Variants in AGBL4 observed in about 807,000 individuals in gnomAD.
The protein encoded by AGBL4 is cytosolic carboxypeptidase 6.
Under a neutral mutation model 66.4 loss-of-function variants are expected in AGBL4, and 58 were observed. That is an observed-to-expected ratio of 0.87 (90% confidence interval 0.71 to 1.09). The LOEUF is 1.09. AGBL4 is among the 50% of genes least tolerant of loss of function. The pLI is 0.00. For synonymous variants in AGBL4, 234 were observed against 222.9 expected (o/e 1.05, Z -0.44); for missense variants, 579 against 631.0 (o/e 0.92, Z 0.88).
chr1:49,450,209 A>T (rs1398165178), intron 3 of AGBL4, among the ~76,000 whole-genome samples: 1 of 152,124 alleles, frequency 6.6e-6, no homozygotes, highest in Non-Finnish European at 1.5e-5. Flanking sequence ...AAAATCTAAG[A>T]TCTCTATTTA....
At chr1:49,475,188 A>G (rs1361826199) in intron 3 of AGBL4, among the ~76,000 whole-genome samples, 3 of 151,974 alleles carry the variant, frequency 2.0e-5, no homozygotes, top group African/African-American at 7.2e-5. Context: ...GCATCTATTG[A>G]GATAATCTTA....
intron 1 of AGBL4, among the ~76,000 whole-genome samples, chr1:49,935,280 G>A (rs934183936): frequency 5.9e-5 from 9 of 152,270 alleles, no homozygotes; most frequent in African/African-American, 2.2e-4. Context: ...AAGGCTGGGG[G>A]AGGGGCGCCC....
rs372251929 is a variant in AGBL4 at position 49,552,797 on chromosome 1, A to G, written c.282+144516T>C. Among the ~76,000 whole-genome samples the G allele has an allele frequency of 9.3e-4, 141 of 152,338 alleles. 1 individual carries two copies. In the South Asian group the frequency reaches 0.027, roughly 29 times the overall value. On this transcript the variant is annotated intron_variant, in intron 3 of 13. Transcript: ENST00000371839. ...GCATACTGCTCTGTCTGTCCGAGTC[A>G]GAGCTGCAATTTAGTCCTGCCTCCT...
intron 2 of AGBL4, among the ~76,000 whole-genome samples, chr1:49,805,532 T>A (rs1032868969): frequency 9.9e-5 from 15 of 152,106 alleles, no homozygotes; most frequent in Admixed American, 9.8e-4. Context: ...GGAAATAACA[T>A]AGAGATAAAA....
chr1:49,628,535 G>A (rs1035862795), intron 3 of AGBL4, among the ~76,000 whole-genome samples: 1 of 152,138 alleles, frequency 6.6e-6, no homozygotes, highest in African/African-American at 2.4e-5. Context: ...AAGTCTACAT[G>A]AAGAGGATGG....
At chr1:49,298,250 A>G (rs1025987867) in intron 3 of AGBL4, among the ~76,000 whole-genome samples, 1 of 152,162 alleles carries the variant, frequency 6.6e-6, no homozygotes, top group Non-Finnish European at 1.5e-5. Context: ...CAAGGAACAG[A>G]TGCTGGCCCA....
intron 4 of AGBL4, among the ~76,000 whole-genome samples, chr1:49,067,930 C>T (rs1448580285): frequency 1.3e-5 from 2 of 151,302 alleles, no homozygotes. Context: ...CGACAGGCCC[C>T]AGTGTGTGAT....
intron 3 of AGBL4, among the ~76,000 whole-genome samples, chr1:49,262,776 A>G (rs948989041): frequency 6.6e-5 from 10 of 152,166 alleles, no homozygotes; most frequent in African/African-American, 2.4e-4. Context: ...AACTAGAAAT[A>G]CCATTTAACC....
intron 3 of AGBL4, among the ~76,000 whole-genome samples, chr1:49,572,990 C>G (rs1460950554): frequency 6.6e-6 from 1 of 152,164 alleles, no homozygotes; most frequent in African/African-American, 2.4e-5. Context: ...GCTTCTTGCC[C>G]TTGAACATCA....
At chr1:49,301,991 A>C (rs1644753826) in intron 3 of AGBL4, among the ~76,000 whole-genome samples, 1 of 151,988 alleles carries the variant, frequency 6.6e-6, no homozygotes, top group Non-Finnish European at 1.5e-5. Flanking sequence ...GCCTTGTTAA[A>C]CTTTCTTGGA....
chr1:48,965,575 C>T (rs538785201), intron 5 of AGBL4, among the ~76,000 whole-genome samples: 255 of 152,148 alleles, frequency 1.7e-3, no homozygotes, highest in African/African-American at 5.6e-3. Flanking sequence ...TTTGGGCCAC[C>T]CATAGGTAGC....
intron 9 of AGBL4, among the ~76,000 whole-genome samples, chr1:48,612,122 A>C (rs1307638340): frequency 6.6e-6 from 1 of 152,238 alleles, no homozygotes; most frequent in Admixed American, 6.5e-5. Flanking sequence ...CTGCTGCCAG[A>C]GTGTGCTCAA....
At chr1:48,815,703 A>C (rs1238144432) in intron 6 of AGBL4, among the ~76,000 whole-genome samples, 1 of 152,208 alleles carries the variant, frequency 6.6e-6, no homozygotes, top group African/African-American at 2.4e-5. Context: ...GATAGCAGTT[A>C]GTAATATTTA....
intron 4 of AGBL4, among the ~76,000 whole-genome samples, chr1:49,059,571 A>G (rs1201750637): frequency 6.6e-6 from 1 of 152,214 alleles, no homozygotes; most frequent in Non-Finnish European, 1.5e-5. Flanking sequence ...GAAGAGGGCC[A>G]CCATCCTCCA....
chr1:49,697,466 T>A, intron 2 of AGBL4, 29 bp from the exon 3 acceptor site: 2 of 1,478,348 alleles, frequency 1.4e-6, no homozygotes, highest in Non-Finnish European at 9.2e-7. Flanking sequence ...AGAATTGGAT[T>A]TTAATAGAAG....
At chr1:49,253,346 A>C (rs1161725605) in intron 3 of AGBL4, among the ~76,000 whole-genome samples, 1 of 152,216 alleles carries the variant, frequency 6.6e-6, no homozygotes, top group Non-Finnish European at 1.5e-5. Context: ...ATTCAACAAG[A>C]AGATCTAACT....
Position 48,727,901 on chromosome 1 carries a change from T to C in AGBL4, c.635-64660A>G, listed in dbSNP as rs760816601. 3.7e-6 allele frequency: 6 copies of C among 1,604,610 alleles called. No homozygotes were observed. In the Admixed American group the frequency reaches 1.0e-4, roughly 27 times the overall value. On this transcript the variant is annotated intron_variant, in intron 6 of 13. Coordinates refer to ENST00000371839, the MANE Select transcript of AGBL4 (RefSeq NM_032785.4). ...AATCCAAAGTTTATTGCAAATTGTATTTTGCTTCCCTTCGTTCTTCATTTT... is the reference window on the plus strand; with the variant it reads ...AATCCAAAGTTTATTGCAAATTGTACTTTGCTTCCCTTCGTTCTTCATTTT...
At chr1:48,608,802 G>A (rs1645192393) in intron 9 of AGBL4, among the ~76,000 whole-genome samples, 1 of 151,898 alleles carries the variant, frequency 6.6e-6, no homozygotes, top group Non-Finnish European at 1.5e-5. Context: ...CCAGCCTAGA[G>A]TCAGCACTAA....
chr1:49,210,838 G>T (rs941927821), intron 4 of AGBL4, among the ~76,000 whole-genome samples: 2 of 152,068 alleles, frequency 1.3e-5, no homozygotes, highest in African/African-American at 4.8e-5. Context: ...GTCCTATGTG[G>T]TTATAATTCT....
Sources: allele counts gnomAD v4.1 joint callset (sites outside exome capture counted in the v4.1 genomes callset), GRCh38; gene constraint gnomAD v4.1.1; transcripts MANE v1.5; gene names NCBI Gene and HGNC (gene_info 2026-07-23, HGNC 2026-07-21).